Variants in RIPPLY3 observed in about 807,000 individuals in gnomAD.
The protein encoded by RIPPLY3 is ripply transcriptional repressor 3.
Under a neutral mutation model 11.9 loss-of-function variants are expected in RIPPLY3, and 8 were observed. That is an observed-to-expected ratio of 0.67 (90% CI 0.40 to 1.21). The LOEUF is 1.21. Ranked by LOEUF, RIPPLY3 falls within the 50% of genes most tolerant of loss-of-function variation. The pLI is 0.01. For missense variants in RIPPLY3, 271 were observed against 246.0 expected, an observed-to-expected ratio of 1.10 and a Z score of -0.68; for synonymous variants, 102 against 99.0, an observed-to-expected ratio of 1.03 and a Z score of -0.18.
chr21:37,018,716 G>C lies in RIPPLY3; in HGVS notation c.*509G>C, dbSNP rs1025077844. 2 of 153,276 alleles carry C rather than the reference G, an allele frequency of 1.3e-5. No homozygotes were observed. The highest frequency in any genetic ancestry group is 4.8e-5 in the African/African-American group (2 of 41,426). 9.5% of individuals were successfully genotyped at this position (153,276 alleles called of 1,614,324 possible). On this transcript the variant is annotated 3_prime_UTR_variant, in exon 4 of 4. Transcript: ENST00000329553. ...AAAGGTTTGGTTTGGTTTTGTGACG[G>C]AGTTTTGCTCTTGTCTCCCAGGCTG...
intron 2 of RIPPLY3, 28 bp from the exon 3 acceptor site, chr21:37,013,523 C>CT: frequency 6.2e-7 from 1 of 1,604,740 alleles, no homozygotes; most frequent in Non-Finnish European, 8.5e-7. Flanking sequence ...TGCACTGTCT[C>CT]TGTGTTTGTA....
rs976556582 is a variant in RIPPLY3, at chr21:37,018,159, C to T, written c.525C>T (p.Leu175=). 1.9e-6 allele frequency: 3 copies of T among 1,613,950 alleles called. No homozygotes were observed. Among genetic ancestry groups the T allele is most frequent in the Non-Finnish European group, 2.5e-6 (3 of 1,179,946 alleles). The change falls in exon 4 of 4, where the codon CTC becomes CTT. Residue 175 remains leucine, a synonymous_variant. Transcript: ENST00000329553. ...GGGDHWGEGP[L]PQGVSSRGGK... ...GTGACCACTGGGGGGAGGGTCCGCTCCCTCAAGGTGTCTCCTCAAGGGGTG... is the reference window on the plus strand; with the variant it reads ...GTGACCACTGGGGGGAGGGTCCGCTTCCTCAAGGTGTCTCCTCAAGGGGTG...
At position 37,006,980 on chromosome 21, in the gene RIPPLY3, C is replaced by A; in HGVS notation, c.104+104C>A. 1.5e-6 allele frequency: 1 copy of A among 670,058 alleles called. No individual in the cohort carries two copies. The highest frequency in any genetic ancestry group is 2.1e-6 in the Non-Finnish European group (1 of 485,494). 41.5% of individuals were successfully genotyped at this position (670,058 alleles called of 1,614,324 possible). On this transcript the variant is annotated intron_variant, in intron 1 of 3. Transcript: ENST00000329553. The surrounding 1 kb of genome is among the most constrained non-coding windows in gnomAD (Gnocchi z 5.2). ...GCTGGGGCGCTGCTGAACCCCCGATCCCCAGCGGAGCTCCGGAGCTCGACG... is the reference window on the plus strand; with the variant it reads ...GCTGGGGCGCTGCTGAACCCCCGATACCCAGCGGAGCTCCGGAGCTCGACG...
intron 3 of RIPPLY3, among the ~76,000 whole-genome samples, chr21:37,015,868 C>A (rs956418593): frequency 6.7e-6 from 1 of 148,826 alleles, no homozygotes; most frequent in African/African-American, 2.5e-5. Context: ...ACCACCACAC[C>A]CAGCTAATTT....
Position 37,017,936 on chromosome 21 carries a change from C to A in RIPPLY3, c.302C>A (p.Ala101Asp), listed in dbSNP as rs754647345. Residue 101 changes from alanine (A) to aspartate (D), a missense_variant, in exon 4 of 4, where the codon GCC becomes GAC. Coordinates refer to ENST00000329553, the MANE Select transcript of RIPPLY3 (RefSeq NM_018962.3). Reference sequence around the variant, plus strand: ...CGGAGTTCCGGGGAGCAAGTACTGGCCAGTTTCCCAGTGCAAGCCACGATT... The same window carrying A: ...CGGAGTTCCGGGGAGCAAGTACTGGACAGTTTCCCAGTGCAAGCCACGATT... ...YLRSSGEQVL[A>D]SFPVQATIDF... 1.2e-6 allele frequency: 2 copies of A among 1,614,168 alleles called. No individual in the cohort carries two copies. The highest frequency in any genetic ancestry group is 8.5e-7 in the Non-Finnish European group (1 of 1,180,034).
rs773284506 is a variant in RIPPLY3, at chr21:37,012,212, T to TTTTTTATTATTATTA, written c.172-1337_172-1336insTTTATTATTATTATT. Among the ~76,000 whole-genome samples the TTTTTTATTATTATTA allele has an allele frequency of 4.3e-3, 569 of 132,502 alleles. 8 individuals are homozygous for TTTTTTATTATTATTA. The highest frequency in any genetic ancestry group is 0.012 in the African/African-American group (440 of 37,026). The allele number at this position is 132,502 out of a possible 152,430, so 86.9% of individuals were successfully genotyped here. On this transcript the variant is annotated intron_variant, in intron 2 of 3. Transcript: ENST00000329553. ...TGCCCCAGACCATTTCCGCTCCTTA[T>TTTTTTATTATTATTA]TTATTATTATTATTATTATTATTAT...
chr21:37,011,300 G>T (rs192773963), intron 2 of RIPPLY3, among the ~76,000 whole-genome samples: 1 of 152,174 alleles, frequency 6.6e-6, no homozygotes, highest in East Asian at 1.9e-4. Context: ...GAGCCACTGC[G>T]CCCTGCCTGG....
chr21:37,008,482 G>A (rs2069488416), intron 2 of RIPPLY3, among the ~76,000 whole-genome samples: 1 of 152,142 alleles, frequency 6.6e-6, no homozygotes. Context: ...CGTAGGCTGG[G>A]CGCGGTGGCT....
Position 37,018,194 on chromosome 21 carries a change from C to T in RIPPLY3, c.560C>T (p.Ser187Phe), listed in dbSNP as rs1203833841. 4 of 1,613,070 alleles carry T rather than the reference C, an allele frequency of 2.5e-6. No homozygotes were observed. The highest frequency in any genetic ancestry group is 2.5e-6 in the Non-Finnish European group (3 of 1,179,348). Residue 187 changes from serine (S) to phenylalanine (F), a missense_variant, in exon 4 of 4, where the codon TCC (serine) becomes TTC (phenylalanine). Transcript: ENST00000329553. Reference sequence around the variant, plus strand: ...GTCTCCTCAAGGGGTGGCAAGTGCTCCTCATCCAAATGAATCAGTCTCTGT... The same window carrying T: ...GTCTCCTCAAGGGGTGGCAAGTGCTTCTCATCCAAATGAATCAGTCTCTGT... ...QGVSSRGGKC[S>F]SSK
intron 2 of RIPPLY3, among the ~76,000 whole-genome samples, chr21:37,008,579 G>A (rs1231281995): frequency 2.0e-5 from 3 of 152,076 alleles, no homozygotes; most frequent in East Asian, 1.9e-4. Context: ...CCAAGATGGC[G>A]AAACCCCGTC....
intron 3 of RIPPLY3, among the ~76,000 whole-genome samples, chr21:37,015,538 T>C (rs2069569000): frequency 6.6e-6 from 1 of 152,188 alleles, no homozygotes; most frequent in Non-Finnish European, 1.5e-5. Flanking sequence ...CACTGCACAC[T>C]GGATATACAA....
At chr21:37,015,525 A>G (rs2069568619) in intron 3 of RIPPLY3, among the ~76,000 whole-genome samples, 1 of 152,168 alleles carries the variant, frequency 6.6e-6, no homozygotes. Context: ...AGCTGCAGCC[A>G]TGCACTGCAC....
Position 37,013,533 on chromosome 21 carries a change from A to G in RIPPLY3, c.172-18A>G, listed in dbSNP as rs2069548005. ...ACTCCTGCACTGTCTCTGTGTTTGT[A>G]TGTGTCTGTCGTTACAGCTTGAACC... On this transcript the variant is annotated intron_variant, in intron 2 of 3. Coordinates refer to ENST00000329553, the MANE Select transcript of RIPPLY3 (RefSeq NM_018962.3). 6.2e-7 allele frequency: 1 copy of G among 1,611,338 alleles called. No individual in the cohort carries two copies.
intron 2 of RIPPLY3, among the ~76,000 whole-genome samples, chr21:37,012,622 C>A (rs80084944): frequency 0.027 from 4,158 of 152,178 alleles, 93 homozygotes; most frequent in African/African-American, 0.064. Context: ...TCTATACCAG[C>A]CTCATCTGTG....
chr21:37,007,350 G>T (rs1486815693), intron 1 of RIPPLY3, among the ~76,000 whole-genome samples: 1 of 151,320 alleles, frequency 6.6e-6, no homozygotes, highest in African/African-American at 2.4e-5. Flanking sequence ...GTAGGGAAGG[G>T]ACCGGGTAGG....
At chr21:37,012,025 A>G (rs541758072) in intron 2 of RIPPLY3, among the ~76,000 whole-genome samples, 65 of 149,900 alleles carry the variant, frequency 4.3e-4, no homozygotes, top group Non-Finnish European at 8.9e-4. Flanking sequence ...TATCATGTGC[A>G]CATTCCCTCC....
chr21:37,006,522 T>C (rs1171921195), upstream of RIPPLY3: 2 of 338,552 alleles, frequency 5.9e-6, no homozygotes, highest in Non-Finnish European at 1.1e-5. The surrounding 1 kb of genome is among the most constrained non-coding windows in gnomAD (Gnocchi z 5.2). Flanking sequence ...CATCCCCGGC[T>C]CCCTGGTCCC....
At position 37,013,544 on chromosome 21, in the gene RIPPLY3, G is replaced by C. The variant is rs1417467513; in HGVS notation, c.172-7G>C. 6.2e-7 allele frequency: 1 copy of C among 1,612,674 alleles called. No homozygotes were observed. The highest frequency in any genetic ancestry group is 1.7e-5 in the Admixed American group (1 of 59,958). On this transcript the variant is annotated splice_region_variant and splice_polypyrimidine_tract_variant and intron_variant, in intron 2 of 3. Coordinates refer to ENST00000329553, the MANE Select transcript of RIPPLY3 (RefSeq NM_018962.3). ...GTCTCTGTGTTTGTATGTGTCTGTC[G>C]TTACAGCTTGAACCTAGGGCTGACC... is the stretch of plus-strand genomic sequence containing the variant.
At position 37,008,153 on chromosome 21, in the gene RIPPLY3, C is replaced by G; in HGVS notation, c.105-4C>G. 1 of 1,614,112 alleles carries G rather than the reference C, an allele frequency of 6.2e-7. No individual in the cohort carries two copies. Among genetic ancestry groups the G allele is most frequent in the African/African-American group, 1.3e-5 (1 of 75,048 alleles). ...TCACTCTCTCCTGGCGCTTGCCGTT[C>G]CAGCCCCGCGCCGTGGCGACCTTGG... On this transcript the variant is annotated splice_polypyrimidine_tract_variant and splice_region_variant and intron_variant, in intron 1 of 3. Transcript: ENST00000329553.
Sources: allele counts gnomAD v4.1 joint callset (sites outside exome capture counted in the v4.1 genomes callset), GRCh38; gene constraint gnomAD v4.1.1; non-coding constraint Gnocchi (gnomAD v3.1); transcripts MANE v1.5; gene names NCBI Gene and HGNC (gene_info 2026-07-23, HGNC 2026-07-21).